TNNI3: variants seen among roughly 807,000 people sequenced by gnomAD.
TNNI3 encodes troponin I, cardiac muscle.
A neutral mutation model predicts 31.5 loss-of-function variants in TNNI3; 23 were observed. That is an observed-to-expected ratio of 0.73 (90% CI 0.52 to 1.03). The LOEUF (loss-of-function observed/expected upper bound fraction) is 1.03. Ranked by LOEUF, TNNI3 falls within the 50% of genes least tolerant of loss-of-function variation. TNNI3 has a pLI of 0.00. For synonymous variants in TNNI3, 120 were observed against 111.7 expected (o/e 1.07, Z -0.47); for missense variants, 236 against 282.9 (o/e 0.83, Z 1.19).
rs2085710230 is a variant in TNNI3 at position 55,153,906 on chromosome 19, G to A, written c.549+124C>T. The A allele has an allele frequency of 4.1e-6, 4 of 974,504 alleles. No homozygotes were observed. In the East Asian group the frequency reaches 8.4e-5, roughly 20 times the overall value. 60.4% of individuals were successfully genotyped at this position (974,504 alleles called of 1,614,324 possible). ...CTTCCTGTCTTCCTCTTGCATTTCTGAGGACCCCTTACTAGCTGCTTCTAC... is the reference window on the plus strand; with the variant it reads ...CTTCCTGTCTTCCTCTTGCATTTCTAAGGACCCCTTACTAGCTGCTTCTAC... On this transcript the variant is annotated intron_variant, in intron 7 of 7. Transcript: ENST00000344887.
In TNNI3 at chr19:55,156,671, G is replaced by A. The variant is rs1314148948; in HGVS notation, c.109-27C>T. Reference sequence around the variant, plus strand: ...TGCCAGGGTGAGATGGAGCAAGGAAGGATCATGGAGGGGGATTCGGAGACG... The same window carrying A: ...TGCCAGGGTGAGATGGAGCAAGGAAAGATCATGGAGGGGGATTCGGAGACG... On this transcript the variant is annotated intron_variant, in intron 3 of 7. Transcript: ENST00000344887. This position sits in a 1 kb window ranked among gnomAD's most constrained non-coding sequence, Gnocchi z 4.6. 4 of 1,558,764 alleles carry A rather than the reference G, an allele frequency of 2.6e-6. No homozygotes were observed. The highest frequency in any genetic ancestry group is 2.6e-6 in the Non-Finnish European group (3 of 1,149,974).
chr19:55,155,179 T>C (rs1448187873), intron 5 of TNNI3, among the ~76,000 whole-genome samples: 5 of 51,956 alleles, frequency 9.6e-5, no homozygotes, highest in Non-Finnish European at 1.4e-4. Context: ...GGCTGGGGCC[T>C]GGACTTCAGG....
chr19:55,156,689 C>T lies in TNNI3; in HGVS notation c.109-45G>A. 1.3e-6 allele frequency: 2 copies of T among 1,550,874 alleles called. No individual in the cohort carries two copies. Among genetic ancestry groups the T allele is most frequent in the South Asian group, 1.2e-5 (1 of 84,376 alleles). ...CAAGGAAGGATCATGGAGGGGGATT[C>T]GGAGACGACGGTGGAGGGGACCTCA... On this transcript the variant is annotated intron_variant, in intron 3 of 7. Transcript: ENST00000344887. The surrounding 1 kb of genome is among the most constrained non-coding windows in gnomAD (Gnocchi z 4.6).
chr19:55,155,501 A>C (rs555418607), intron 5 of TNNI3, among the ~76,000 whole-genome samples: 64 of 19,198 alleles, frequency 3.3e-3, no homozygotes, highest in South Asian at 5.6e-3. Context: ...GGGGCTGGGG[A>C]CTGGACTCCT....
At chr19:55,154,466 C>G (rs1451442339) in intron 6 of TNNI3, 4 of 621,374 alleles carry the variant, frequency 6.4e-6, no homozygotes, top group Non-Finnish European at 1.1e-5. Context: ...TGGCCAGTGC[C>G]TGAGCTAATT....
intron 5 of TNNI3, 38 bp from the exon 6 acceptor site, chr19:55,154,868 A>T (rs761419332): frequency 6.3e-7 from 1 of 1,578,728 alleles, no homozygotes; most frequent in Non-Finnish European, 8.7e-7. Context: ...TGGGGGAACC[A>T]AAAACAGGGA....
rs3729707 is a variant in TNNI3, at chr19:55,157,624, G to T, written c.-35C>A. 23,478 of 1,613,762 alleles carry T rather than the reference G, an allele frequency of 0.015. 2,191 individuals are homozygous for T. The African/African-American group carries it at 0.23, about 16-fold the overall frequency. ...CAGGCCGGGAATGGCAGGAGGCAGG[G>T]CGAGGACAGGGGCGTTTGGAGGGTC... On this transcript the variant is annotated 5_prime_UTR_variant, in exon 1 of 8. Transcript: ENST00000344887. The surrounding 1 kb of genome is among the most constrained non-coding windows in gnomAD (Gnocchi z 6.3).
At position 55,154,732 on chromosome 19, in the gene TNNI3, G is replaced by A. The variant is rs1285249732; in HGVS notation, c.372+9C>T. 6.2e-7 allele frequency: 1 copy of A among 1,613,816 alleles called. No individual in the cohort carries two copies. Among genetic ancestry groups the A allele is most frequent in the East Asian group, 2.2e-5 (1 of 44,886 alleles). ...CCCCGAAGGTACCCGAGCTGCCCATGCGTCCCACCTCCGTGATGTTCTTGG... is the reference window on the plus strand; with the variant it reads ...CCCCGAAGGTACCCGAGCTGCCCATACGTCCCACCTCCGTGATGTTCTTGG... On this transcript the variant is annotated intron_variant, in intron 6 of 7. Transcript: ENST00000344887.
chr19:55,154,928 T>C, intron 5 of TNNI3, 98 bp from the exon 6 acceptor site: 1 of 988,864 alleles, frequency 1.0e-6, no homozygotes, highest in Non-Finnish European at 1.5e-6. Flanking sequence ...CCTGGACTCC[T>C]GGGTCTGAGG....
Position 55,156,346 on chromosome 19 carries a change from G to A in TNNI3, c.151-14C>T. ...CAGCAGCAGAGTCTGCAGAGGGGTG[G>A]GAGGGAAGCGCAGCCCACCCGGGGC... On this transcript the variant is annotated splice_polypyrimidine_tract_variant and intron_variant, in intron 4 of 7. Coordinates refer to ENST00000344887, the MANE Select transcript of TNNI3 (RefSeq NM_000363.5). The surrounding 1 kb of genome is among the most constrained non-coding windows in gnomAD (Gnocchi z 4.6). 2 of 1,605,186 alleles carry A rather than the reference G, an allele frequency of 1.2e-6. No individual in the cohort carries two copies. The highest frequency in any genetic ancestry group is 2.7e-5 in the African/African-American group (2 of 74,908).
At position 55,156,112 on chromosome 19, in the gene TNNI3, T is replaced by C; in HGVS notation, c.282+89A>G. On this transcript the variant is annotated intron_variant, in intron 5 of 7. Coordinates refer to ENST00000344887, the MANE Select transcript of TNNI3 (RefSeq NM_000363.5). The surrounding 1 kb of genome is among the most constrained non-coding windows in gnomAD (Gnocchi z 4.6). ...TATAATTGGGTAAGGACAGCCATAT[T>C]GGACGCCTGGGTCCCGAGCAGAAGA... 2 of 1,601,932 alleles carry C rather than the reference T, an allele frequency of 1.2e-6. No individual in the cohort carries two copies. Among genetic ancestry groups the C allele is most frequent in the African/African-American group, 1.3e-5 (1 of 74,802 alleles).
At chr19:55,153,325 T>A (rs910591325) in intron 7 of TNNI3, among the ~76,000 whole-genome samples, 2 of 151,942 alleles carry the variant, frequency 1.3e-5, no homozygotes, top group Non-Finnish European at 2.9e-5. Context: ...GGAAAAAAAA[T>A]TACATATAGG....
At position 55,157,517 on chromosome 19, in the gene TNNI3, C is replaced by G. The variant is rs372100761; in HGVS notation, c.11+62G>C. 5.0e-6 allele frequency: 8 copies of G among 1,604,756 alleles called. No individual in the cohort carries two copies. The highest frequency in any genetic ancestry group is 1.3e-5 in the African/African-American group (1 of 74,776). On this transcript the variant is annotated intron_variant, in intron 1 of 7. Coordinates refer to ENST00000344887, the MANE Select transcript of TNNI3 (RefSeq NM_000363.5). The surrounding 1 kb of genome is among the most constrained non-coding windows in gnomAD (Gnocchi z 6.3). ...GGCCAAGGGTCCAGCCTCTCAGCTG[C>G]GACCCCTCTTGGGAACCCGGGAGGT...
At position 55,154,940 on chromosome 19, in the gene TNNI3, AGGAGAAGGGGC is replaced by A. The variant is rs1237825760; in HGVS notation, c.283-121_283-111del. 1.1e-4 allele frequency: 97 copies of A among 855,666 alleles called. No individual in the cohort carries two copies. The African/African-American group carries it at 1.7e-3, about 15-fold the overall frequency. 53.0% of individuals were successfully genotyped at this position (855,666 alleles called of 1,614,324 possible). On this transcript the variant is annotated intron_variant, in intron 5 of 7. Transcript: ENST00000344887. ...GGGCCTGGACTCCTGGGTCTGAGGG[AGGAGAAGGGGC>A]TGGGGGCCTGGACTCCTGGGTCTGA...
rs1207320730 is a variant in TNNI3, at chr19:55,156,046, C to A, written c.282+155G>T. Among the ~76,000 whole-genome samples the A allele has an allele frequency of 1.3e-5, 2 of 152,080 alleles. No individual in the cohort carries two copies. The highest frequency in any genetic ancestry group is 1.5e-5 in the Non-Finnish European group (1 of 68,004). On this transcript the variant is annotated intron_variant, in intron 5 of 7. Coordinates refer to ENST00000344887, the MANE Select transcript of TNNI3 (RefSeq NM_000363.5). The surrounding 1 kb of genome is among the most constrained non-coding windows in gnomAD (Gnocchi z 4.6). ...TTGGAGCCAAGACTCCACAGACCTG[C>A]ACACAAAGGGTGTTAGGGGCCAGGA...
At chr19:55,154,402 C>A in intron 6 of TNNI3, 196 bp from the exon 7 acceptor site, 2 of 655,364 alleles carry the variant, frequency 3.1e-6, no homozygotes, top group African/African-American at 1.8e-5. Flanking sequence ...TCCAGCCTCA[C>A]CTCTCAAAAC....
At chr19:55,153,341 G>A (rs890074648) in intron 7 of TNNI3, among the ~76,000 whole-genome samples, 2 of 151,940 alleles carry the variant, frequency 1.3e-5, no homozygotes, top group Non-Finnish European at 2.9e-5. Flanking sequence ...ATAGGGTTCA[G>A]TACAATCCAT....
At chr19:55,154,397 C>T in intron 6 of TNNI3, 191 bp from the exon 7 acceptor site, 1 of 670,708 alleles carries the variant, frequency 1.5e-6, no homozygotes, top group South Asian at 1.8e-5. Context: ...TATGCTCCAG[C>T]CTCACCTCTC....
At position 55,156,385 on chromosome 19, in the gene TNNI3, C is replaced by A; in HGVS notation, c.151-53G>T. On this transcript the variant is annotated intron_variant, in intron 4 of 7. Transcript: ENST00000344887. The surrounding 1 kb of genome is among the most constrained non-coding windows in gnomAD (Gnocchi z 4.6). ...CCCACCCGGGGCTTCAGGATAAAGA[C>A]CAGGCGTGGGGAACCGCCTCTGCCC... 1 of 1,582,392 alleles carries A rather than the reference C, an allele frequency of 6.3e-7. No homozygotes were observed.
Sources: gnomAD v4.1 joint callset for allele counts (sites outside exome capture counted in the v4.1 genomes callset) on GRCh38, gnomAD v4.1.1 for gene constraint, Gnocchi (gnomAD v3.1) non-coding constraint, MANE v1.5 for transcripts, NCBI Gene and HGNC (gene_info 2026-07-23, HGNC 2026-07-21) for gene names.